Variants in PDCD6IP observed in about 807,000 individuals in gnomAD.
The protein encoded by PDCD6IP is programmed cell death 6-interacting protein.
A neutral mutation model predicts 103.7 loss-of-function variants in PDCD6IP; 43 were observed. The observed-to-expected ratio is 0.41, with a 90% confidence interval of 0.32 to 0.53. The LOEUF is 0.53. PDCD6IP is among the 20% of genes least tolerant of loss of function. The probability of loss-of-function intolerance (pLI) is 0.16; values close to 1 mark genes in which losing one functional copy is unlikely to be tolerated. For missense variants in PDCD6IP, 871 were observed against 1,036.7 expected, an observed-to-expected ratio of 0.84 and a Z score of 2.20; for synonymous variants, 354 against 378.7, an observed-to-expected ratio of 0.93 and a Z score of 0.76.
intron 9 of PDCD6IP, among the ~76,000 whole-genome samples, chr3:33,839,442 A>G (rs1026862609): frequency 1.3e-5 from 2 of 152,050 alleles, no homozygotes; most frequent in African/African-American, 4.8e-5. Flanking sequence ...ATGGCTGAGC[A>G]GTATTCCATT....
intron 12 of PDCD6IP, among the ~76,000 whole-genome samples, chr3:33,847,411 G>A (rs1016837357): frequency 6.6e-6 from 1 of 152,130 alleles, no homozygotes; most frequent in African/African-American, 2.4e-5. Context: ...TTTTCTTGAC[G>A]GGGTAACCAC....
intron 7 of PDCD6IP, among the ~76,000 whole-genome samples, chr3:33,832,432 A>G (rs1457157851): frequency 6.6e-6 from 1 of 152,182 alleles, no homozygotes; most frequent in Admixed American, 6.5e-5. Flanking sequence ...ATCTTAAATA[A>G]ATTAATAGAA....
chr3:33,865,184 A>G (rs1575950962), intron 16 of PDCD6IP, 59 bp from the exon 17 acceptor site: 10 of 1,196,884 alleles, frequency 8.4e-6, no homozygotes, highest in African/African-American at 1.6e-5. Flanking sequence ...AATTTTAATT[A>G]ATAGCAATTT....
intron 3 of PDCD6IP, among the ~76,000 whole-genome samples, chr3:33,816,161 A>G (rs1235783453): frequency 6.6e-6 from 1 of 152,194 alleles, no homozygotes; most frequent in African/African-American, 2.4e-5. Context: ...AGAGTGCCAG[A>G]TGTGATAGGA....
Position 33,845,573 on chromosome 3 carries a change from C to G in PDCD6IP, c.1626C>G (p.Thr542=), listed in dbSNP as rs773341460. ...AAIPSANPAK[T]MQGSEVVNVL... ...TCCCTTCTGCTAATCCAGCAAAGACCATGCAGGGCAGTGAGGTAAGAAGGA... is the reference window on the plus strand; with the variant it reads ...TCCCTTCTGCTAATCCAGCAAAGACGATGCAGGGCAGTGAGGTAAGAAGGA... The change falls in exon 12 of 18, where the codon ACC becomes ACG. Residue 542 remains threonine, a synonymous_variant. Transcript: ENST00000307296. The G allele has an allele frequency of 6.2e-7, 1 of 1,607,432 alleles. No homozygotes were observed. Among genetic ancestry groups the G allele is most frequent in the Non-Finnish European group, 8.5e-7 (1 of 1,176,060 alleles).
At chr3:33,832,333 G>T (rs554937728) in intron 7 of PDCD6IP, among the ~76,000 whole-genome samples, 2 of 152,058 alleles carry the variant, frequency 1.3e-5, no homozygotes, top group Non-Finnish European at 2.9e-5. Flanking sequence ...ATTTTCCAAA[G>T]GTCCCATGTT....
In PDCD6IP at chr3:33,798,808, A is replaced by G. The variant is rs1289505812; in HGVS notation, c.80A>G (p.Gln27Arg). 4 of 1,568,754 alleles carry G rather than the reference A, an allele frequency of 2.5e-6. No individual in the cohort carries two copies. Among genetic ancestry groups the G allele is most frequent in the South Asian group, 1.2e-5 (1 of 85,094 alleles). The change falls in exon 1 of 18, where the codon CAG becomes CGG. Residue 27 changes from glutamine (Q) to arginine (R), a missense_variant. Physicochemically the swap from Gln to Arg is conservative, Grantham distance 43. Coordinates refer to ENST00000307296, the MANE Select transcript of PDCD6IP (RefSeq NM_013374.6). ...AAGCCGCTGGTGAAGTTCATCCAGC[A>G]GACTTACCCAAGCGGCGGGGAAGAG... ...LAKPLVKFIQ[Q>R]TYPSGGEEQA... is the part of the protein sequence containing the mutation.
intron 8 of PDCD6IP, among the ~76,000 whole-genome samples, 186 bp downstream of exon 8, chr3:33,836,452 A>C (rs1317688895): frequency 6.6e-6 from 1 of 152,252 alleles, no homozygotes; most frequent in Non-Finnish European, 1.5e-5. Context: ...ACAATAATAA[A>C]GCATATGTAA....
chr3:33,803,087 C>T (rs1299407403), intron 1 of PDCD6IP, among the ~76,000 whole-genome samples: 3 of 152,090 alleles, frequency 2.0e-5, no homozygotes, highest in South Asian at 2.1e-4. Context: ...TGTCATTTCC[C>T]GTTCTTTTTG....
intron 15 of PDCD6IP, among the ~76,000 whole-genome samples, chr3:33,863,339 C>T (rs1697993895): frequency 6.6e-6 from 1 of 152,178 alleles, no homozygotes; most frequent in African/African-American, 2.4e-5. Flanking sequence ...CATTAACTAT[C>T]ATCACCCTAT....
At chr3:33,865,511 C>T in intron 17 of PDCD6IP, 81 bp downstream of exon 17, 1 of 1,171,308 alleles carries the variant, frequency 8.5e-7, no homozygotes, top group South Asian at 1.6e-5. Flanking sequence ...CAGGGTCATC[C>T]CTTCTCCAAA....
At chr3:33,809,596 T>C (rs184212537) in intron 1 of PDCD6IP, among the ~76,000 whole-genome samples, 4 of 152,354 alleles carry the variant, frequency 2.6e-5, no homozygotes, top group Admixed American at 6.5e-5. Flanking sequence ...TGTATAACCA[T>C]AGTACAACTT....
chr3:33,798,894 C>G lies in PDCD6IP; in HGVS notation c.166C>G (p.Arg56Gly). ...LSKLRRAAVG[R>G]PLDKHEGALE... ...CAAGCTGCGCCGCGCCGCAGTCGGT[C>G]GTCCGCTGGACAAGCACGAGGGCGC... is the stretch of plus-strand genomic sequence containing the variant. Residue 56 changes from arginine to glycine, a missense_variant, in exon 1 of 18, where the codon CGT becomes GGT. This residue lies in a region of PDCD6IP where 114 missense variants were observed against 106.7 expected (regional missense o/e 1.07). Coordinates refer to ENST00000307296, the MANE Select transcript of PDCD6IP (RefSeq NM_013374.6). 2 of 1,547,314 alleles carry G rather than the reference C, an allele frequency of 1.3e-6. No homozygotes were observed. Among genetic ancestry groups the G allele is most frequent in the South Asian group, 2.4e-5 (2 of 83,912 alleles).
intron 1 of PDCD6IP, among the ~76,000 whole-genome samples, chr3:33,807,760 G>A (rs866957646): frequency 1.3e-5 from 2 of 152,204 alleles, no homozygotes; most frequent in Non-Finnish European, 2.9e-5. Context: ...AGGCAAAAAA[G>A]GTACAGGGCA....
chr3:33,843,011 A>T (rs4444665), intron 10 of PDCD6IP, among the ~76,000 whole-genome samples: 16,596 of 152,162 alleles, frequency 0.11, 986 homozygotes, highest in African/African-American at 0.14. Context: ...TACCTCCTCA[A>T]ACTTAAGAGG....
At chr3:33,849,541 G>A (rs1484980877) in intron 12 of PDCD6IP, among the ~76,000 whole-genome samples, 2 of 152,134 alleles carry the variant, frequency 1.3e-5, no homozygotes, top group African/African-American at 2.4e-5. Context: ...GTATTTGTTT[G>A]AATGATCATC....
intron 1 of PDCD6IP, among the ~76,000 whole-genome samples, chr3:33,799,705 T>G (rs1194857855): frequency 6.6e-6 from 1 of 152,258 alleles, no homozygotes; most frequent in Non-Finnish European, 1.5e-5. Context: ...TAAACATTTC[T>G]TTTGCATACC....
intron 12 of PDCD6IP, among the ~76,000 whole-genome samples, chr3:33,847,042 G>A (rs569261529): frequency 2.0e-5 from 3 of 152,330 alleles, no homozygotes; most frequent in African/African-American, 7.2e-5. Flanking sequence ...GGGGAGAAAA[G>A]GAGGTGGTCA....
intron 3 of PDCD6IP, among the ~76,000 whole-genome samples, chr3:33,816,410 C>A (rs1254361450): frequency 2.7e-5 from 4 of 146,532 alleles, no homozygotes; most frequent in African/African-American, 1.0e-4. Context: ...GAGGCTGAGG[C>A]AGGAGACTCA....
Sources: gnomAD v4.1 joint callset for allele counts (sites outside exome capture counted in the v4.1 genomes callset) on GRCh38, gnomAD v4.1.1 for gene constraint, gnomAD v4.1.1 regional missense constraint, MANE v1.5 for transcripts, NCBI Gene and HGNC (gene_info 2026-07-23, HGNC 2026-07-21) for gene names.